The following COG5 variants were observed in gnomAD, a reference collection of about 807,000 sequenced individuals.
COG5 encodes component of oligomeric golgi complex 5.
Under a neutral mutation model 110.4 loss-of-function variants are expected in COG5, and 86 were observed. The observed-to-expected ratio is 0.78, with a 90% CI of 0.65 to 0.93. COG5 has a LOEUF of 0.93. Ranked by LOEUF, COG5 falls within the 40% of genes least tolerant of loss-of-function variation. The pLI is 0.00. For synonymous variants in COG5, 360 were observed against 334.6 expected (o/e 1.08, Z -0.83); for missense variants, 1,077 against 987.0 (o/e 1.09, Z -1.22).
intron 6 of COG5, among the ~76,000 whole-genome samples, chr7:107,459,811 A>AT (rs1470436034): frequency 6.6e-6 from 1 of 151,568 alleles, no homozygotes; most frequent in African/African-American, 2.4e-5. Flanking sequence ...AAAAAAAAAA[A>AT]AGTTAATAGA....
intron 2 of COG5, among the ~76,000 whole-genome samples, chr7:107,556,291 T>C (rs1803312287): frequency 1.3e-5 from 2 of 152,180 alleles, no homozygotes; most frequent in East Asian, 3.9e-4. Context: ...ATGAAGTGTC[T>C]TTCTTAGAGT....
At chr7:107,346,054 TC>T (rs1164732078) in intron 10 of COG5, among the ~76,000 whole-genome samples, 1 of 152,194 alleles carries the variant, frequency 6.6e-6, no homozygotes, top group African/African-American at 2.4e-5. Flanking sequence ...AGTTTTAGTA[TC>T]GGCAAATTCC....
intron 10 of COG5, among the ~76,000 whole-genome samples, chr7:107,351,024 T>C (rs1812089619): frequency 6.6e-6 from 1 of 152,182 alleles, no homozygotes; most frequent in South Asian, 2.1e-4. Flanking sequence ...CTAATTTATG[T>C]AGAATTTGTA....
chr7:107,413,978 G>T (rs1314297487), intron 6 of COG5, among the ~76,000 whole-genome samples: 1 of 152,056 alleles, frequency 6.6e-6, no homozygotes, highest in Non-Finnish European at 1.5e-5. Context: ...TGGTCTTTCT[G>T]ACCACAGTCT....
intron 2 of COG5, among the ~76,000 whole-genome samples, chr7:107,556,369 G>C (rs1803319672): frequency 6.6e-6 from 1 of 152,266 alleles, no homozygotes; most frequent in Non-Finnish European, 1.5e-5. Context: ...CACTGATATA[G>C]ACTACTGGGA....
Position 107,557,983 on chromosome 7 carries a change from T to C in COG5, c.227A>G (p.His76Arg), listed in dbSNP as rs765283706. ...QGISQLDREL[H>R]LQVVARHEDL... ...CCAGAAGATCAGAATTACCTGTAAGTGTAGTTCTCTGTCCAACTGACTGAT... is the reference window on the plus strand; with the variant it reads ...CCAGAAGATCAGAATTACCTGTAAGCGTAGTTCTCTGTCCAACTGACTGAT... Residue 76 changes from histidine to arginine, a missense_variant, in exon 2 of 22, where the codon CAC (histidine) becomes CGC (arginine). His to Arg is a conservative substitution (Grantham distance 29). Transcript: ENST00000297135. 54 of 1,614,064 alleles carry C rather than the reference T, an allele frequency of 3.3e-5. No homozygotes were observed. In the South Asian group the frequency reaches 5.8e-4, roughly 17 times the overall value.
At chr7:107,389,870 A>G (rs1319344729) in intron 7 of COG5, among the ~76,000 whole-genome samples, 1 of 152,140 alleles carries the variant, frequency 6.6e-6, no homozygotes, top group Admixed American at 6.5e-5. Context: ...ACATATCATA[A>G]TTCCAGTAAT....
At chr7:107,419,483 AAAAG>A (rs1170602893) in intron 6 of COG5, among the ~76,000 whole-genome samples, 19 of 152,088 alleles carry the variant, frequency 1.2e-4, no homozygotes, top group African/African-American at 4.1e-4. Context: ...AAATAAAAGA[AAAAG>A]AAAAAGAGAA....
intron 11 of COG5, among the ~76,000 whole-genome samples, chr7:107,303,710 G>A (rs1807473033): frequency 6.6e-6 from 1 of 152,036 alleles, no homozygotes; most frequent in South Asian, 2.1e-4. Flanking sequence ...CAAAGCACTG[G>A]GATTACAGGA....
chr7:107,345,001 A>G (rs1460651896), intron 10 of COG5, among the ~76,000 whole-genome samples: 1 of 152,194 alleles, frequency 6.6e-6, no homozygotes, highest in African/African-American at 2.4e-5. Context: ...CTTTTGATTT[A>G]AAATGAGAGG....
chr7:107,460,754 A>T (rs1431526458), intron 6 of COG5, among the ~76,000 whole-genome samples: 2 of 152,112 alleles, frequency 1.3e-5, no homozygotes, highest in African/African-American at 4.8e-5. Flanking sequence ...AAATTGTCAA[A>T]TATCAGTAAT....
At position 107,203,514 on chromosome 7, in the gene COG5, C is replaced by A; in HGVS notation, c.*2G>T. The A allele has an allele frequency of 6.2e-7, 1 of 1,602,700 alleles. No homozygotes were observed. Among genetic ancestry groups the A allele is most frequent in the South Asian group, 1.1e-5 (1 of 90,818 alleles). On this transcript the variant is annotated 3_prime_UTR_variant, in exon 22 of 22. Transcript: ENST00000297135. ...GTGGAGATGAACAAAGATTTCATGT[C>A]ATTACTGAAGAGCAGACATAGCCTT...
intron 10 of COG5, among the ~76,000 whole-genome samples, chr7:107,346,975 GAA>G (rs1457910117): frequency 1.3e-5 from 2 of 152,096 alleles, no homozygotes; most frequent in Non-Finnish European, 2.9e-5. Context: ...TTAAGATTGA[GAA>G]AGTGTTCACC....
At chr7:107,427,621 T>G (rs1793735936) in intron 6 of COG5, among the ~76,000 whole-genome samples, 3 of 151,972 alleles carry the variant, frequency 2.0e-5, no homozygotes, top group African/African-American at 7.3e-5. Flanking sequence ...CTCCTCCAGC[T>G]GGTGACGCCT....
intron 6 of COG5, among the ~76,000 whole-genome samples, chr7:107,457,229 A>G (rs1795718602): frequency 6.6e-6 from 1 of 152,072 alleles, no homozygotes; most frequent in Non-Finnish European, 1.5e-5. Context: ...CCAGGCTGAA[A>G]AACACAATAT....
At position 107,563,785 on chromosome 7, in the gene COG5, C is replaced by A; in HGVS notation, c.94+18G>T. On this transcript the variant is annotated intron_variant, in intron 1 of 21. Coordinates refer to ENST00000297135, the MANE Select transcript of COG5 (RefSeq NM_006348.5). ...CAGACCCCCAACCCCACGACCTGGT[C>A]AGACCCCGTCTCCTTACCGTCCTGC... 6.2e-7 allele frequency: 1 copy of A among 1,613,684 alleles called. No individual in the cohort carries two copies. Among genetic ancestry groups the A allele is most frequent in the South Asian group, 1.1e-5 (1 of 90,954 alleles).
intron 3 of COG5, among the ~76,000 whole-genome samples, chr7:107,550,380 A>G (rs963815275): frequency 1.3e-5 from 2 of 152,172 alleles, no homozygotes; most frequent in East Asian, 3.8e-4. Flanking sequence ...TATTAATCTC[A>G]TCATACAATA....
At chr7:107,446,959 C>T (rs115191112) in intron 6 of COG5, among the ~76,000 whole-genome samples, 2,725 of 152,226 alleles carry the variant, frequency 0.018, 76 homozygotes, top group African/African-American at 0.061. Flanking sequence ...CCAGTGGGCT[C>T]AATTGGCTTT....
At chr7:107,434,471 C>T (rs948256182) in intron 6 of COG5, among the ~76,000 whole-genome samples, 1 of 152,148 alleles carries the variant, frequency 6.6e-6, no homozygotes, top group Non-Finnish European at 1.5e-5. Context: ...GGTATATACA[C>T]TGGGTACAGT....
Sources: allele counts gnomAD v4.1 joint callset (sites outside exome capture counted in the v4.1 genomes callset), GRCh38; gene constraint gnomAD v4.1.1; transcripts MANE v1.5; gene names NCBI Gene and HGNC (gene_info 2026-07-23, HGNC 2026-07-21).